The following EMILIN1 variants were observed in gnomAD, a reference collection of about 807,000 sequenced individuals.
EMILIN1 encodes the protein elastin microfibril interfacer 1.
In EMILIN1, 49 loss-of-function variants were observed where a neutral mutation model predicts 82.4. The ratio of observed to expected loss-of-function variants is 0.59; its 90% confidence interval spans 0.47 to 0.75. EMILIN1 has a LOEUF of 0.75. Ranked by LOEUF, EMILIN1 falls within the 30% of genes least tolerant of loss-of-function variation. The pLI is 0.00. For missense variants in EMILIN1, 1,313 were observed against 1,366.4 expected (o/e 0.96, Z 0.62); for synonymous variants, 604 against 602.2 (o/e 1.00, Z -0.04).
chr2:27,084,521 C>G lies in EMILIN1; in HGVS notation c.2547C>G (p.Ile849Met). ...GCAAGGACGGGCAAGAGGGCCCCAT[C>G]GGGCCACCAGGTATGTGCACTGAGA... Reference protein sequence around the residue: ...SPGKDGQEGPIGPPGPQGEQG... With the variant: ...SPGKDGQEGPMGPPGPQGEQG... Residue 849 changes from isoleucine to methionine, a missense_variant, in exon 5 of 8, where the codon ATC becomes ATG. Physicochemically the swap from Ile to Met is conservative, Grantham distance 10 (BLOSUM62 1). Transcript: ENST00000380320. 2.5e-6 allele frequency: 4 copies of G among 1,608,692 alleles called. No homozygotes were observed. Among genetic ancestry groups the G allele is most frequent in the Non-Finnish European group, 3.4e-6 (4 of 1,175,696 alleles).
At chr2:27,079,749 TCTC>T (rs1376885735) in intron 1 of EMILIN1, among the ~76,000 whole-genome samples, 3 of 152,006 alleles carry the variant, frequency 2.0e-5, no homozygotes, top group African/African-American at 7.2e-5. Flanking sequence ...CTGCCCGTCT[TCTC>T]CTGGAGGGGT....
At chr2:27,081,468 C>T (rs1192251869) in intron 3 of EMILIN1, among the ~76,000 whole-genome samples, 1 of 152,120 alleles carries the variant, frequency 6.6e-6, no homozygotes, top group Non-Finnish European at 1.5e-5. Context: ...TGTGCTGTTT[C>T]CCTGCCCCGA....
chr2:27,082,132 C>G lies in EMILIN1; in HGVS notation c.561C>G (p.Ser187Arg), dbSNP rs754975493. ...AGCAGCTGGAGGAACAGGTGCAGAG[C>G]CTGACCAAGGAGCTGCAAGGCCTGC... Reference protein sequence around the residue: ...KVQQLEEQVQSLTKELQGLRG... With the variant: ...KVQQLEEQVQRLTKELQGLRG... The change falls in exon 4 of 8, where the codon AGC becomes AGG. Residue 187 changes from serine (S) to arginine (R), a missense_variant. Transcript: ENST00000380320. The G allele has an allele frequency of 6.2e-7, 1 of 1,613,686 alleles. No individual in the cohort carries two copies. Among genetic ancestry groups the G allele is most frequent in the Admixed American group, 1.7e-5 (1 of 60,022 alleles).
At position 27,082,861 on chromosome 2, in the gene EMILIN1, G is replaced by T; in HGVS notation, c.1290G>T (p.Gly430=). The T allele has an allele frequency of 6.3e-7, 1 of 1,587,150 alleles. No homozygotes were observed. The change falls in exon 4 of 8, where the codon GGG becomes GGT. Residue 430 remains glycine, a synonymous_variant. Transcript: ENST00000380320. ...AGGAGCAGGAGGAGAGCTGGCCTGG[G>T]GCTCCTGGGGGGCTGAGCCACTGGC... ...PSEEQEESWP[G]APGGLSHWLP... is the part of the protein sequence containing the mutation.
rs1572847088 is a variant in EMILIN1, at chr2:27,083,396, C to T, written c.1825C>T (p.Pro609Ser). 6.2e-7 allele frequency: 1 copy of T among 1,612,092 alleles called. No homozygotes were observed. The highest frequency in any genetic ancestry group is 8.5e-7 in the Non-Finnish European group (1 of 1,179,952). ...GCGCTGCTCCTGCCCCCTGTTGCCTCCTCGGGGTCCTGGGGCTGGTCCAGG... is the reference window on the plus strand; with the variant it reads ...GCGCTGCTCCTGCCCCCTGTTGCCTTCTCGGGGTCCTGGGGCTGGTCCAGG... ...VERCSCPLLP[P>S]RGPGAGPGVG... Residue 609 changes from proline to serine, a missense_variant, in exon 4 of 8, where the codon CCT becomes TCT. Coordinates refer to ENST00000380320, the MANE Select transcript of EMILIN1 (RefSeq NM_007046.4).
intron 3 of EMILIN1, 127 bp downstream of exon 3, chr2:27,081,079 G>A (rs1003494024): frequency 1.5e-6 from 1 of 668,938 alleles, no homozygotes; most frequent in African/African-American, 1.8e-5. Context: ...GGGGCAGAAG[G>A]GTTAGTGAGA....
rs528867241 is a variant in EMILIN1, at chr2:27,083,898, T to G, written c.2327T>G (p.Leu776Arg). The G allele has an allele frequency of 3.1e-6, 5 of 1,608,758 alleles. No homozygotes were observed. In the African/African-American group the frequency reaches 6.7e-5, roughly 21 times the overall value. ...ACCAGCCAGATGCAGGCAGCCCTGC[T>G]GGAGAAGCTGGTCGGGGGACAGGCG... ...NTTSQMQAAL[L>R]EKLVGGQAGL... Residue 776 changes from leucine (L) to arginine (R), a missense_variant, in exon 4 of 8, where the codon CTG becomes CGG. By Grantham distance (102) the Leu-to-Arg change is moderately radical. Coordinates refer to ENST00000380320, the MANE Select transcript of EMILIN1 (RefSeq NM_007046.4).
Position 27,081,652 on chromosome 2 carries a change from A to G in EMILIN1, c.512-431A>G, listed in dbSNP as rs550040175. ...TTTCGCCCCTCTTGACAGCCCCATGACAGAAGAGTGTCATTATCCTTTCGC... is the reference window on the plus strand; with the variant it reads ...TTTCGCCCCTCTTGACAGCCCCATGGCAGAAGAGTGTCATTATCCTTTCGC... On this transcript the variant is annotated intron_variant, in intron 3 of 7. Coordinates refer to ENST00000380320, the MANE Select transcript of EMILIN1 (RefSeq NM_007046.4). Among the ~76,000 whole-genome samples, 5 of 152,262 alleles carry G rather than the reference A, an allele frequency of 3.3e-5. No homozygotes were observed. In the South Asian group the frequency reaches 1.0e-3, roughly 32 times the overall value.
At chr2:27,081,379 C>G (rs1403631063) in intron 3 of EMILIN1, among the ~76,000 whole-genome samples, 1 of 152,174 alleles carries the variant, frequency 6.6e-6, no homozygotes, top group East Asian at 1.9e-4. Flanking sequence ...CAGACCCCTC[C>G]GTGGCCTCTG....
In EMILIN1 at chr2:27,085,939, T is replaced by TAC. The variant is rs1231362689; in HGVS notation, c.2975_2976insAC (p.Ala993ArgfsTer153). ...TGCGTCGACCTGGTCATGGGGCAGC[T>TAC]GGCGCACTCGGAGGAGCCGCTCACC... On this transcript the variant is annotated frameshift_variant, in exon 8 of 8. Coordinates refer to ENST00000380320, the MANE Select transcript of EMILIN1 (RefSeq NM_007046.4). LOFTEE classifies it high-confidence loss of function. The TAC allele has an allele frequency of 3.5e-5, 54 of 1,528,562 alleles. No individual in the cohort carries two copies. Among genetic ancestry groups the TAC allele is most frequent in the South Asian group, 1.6e-4 (13 of 83,286 alleles). 94.7% of individuals were successfully genotyped at this position (1,528,562 alleles called of 1,614,324 possible).
chr2:27,085,109 G>A, intron 6 of EMILIN1, 51 bp from the exon 7 acceptor site: 1 of 1,613,516 alleles, frequency 6.2e-7, no homozygotes, highest in Non-Finnish European at 8.5e-7. Flanking sequence ...GGGGAAGGGG[G>A]CTGGCACTCT....
At chr2:27,084,927 T>A (rs1172834179) in intron 5 of EMILIN1, 64 bp from the exon 6 acceptor site, 2 of 1,464,630 alleles carry the variant, frequency 1.4e-6, no homozygotes, top group Non-Finnish European at 1.9e-6. Context: ...CCTCAGCAGA[T>A]GTTTGCTGAG....
intron 1 of EMILIN1, among the ~76,000 whole-genome samples, chr2:27,079,597 A>G (rs1669440075): frequency 6.6e-6 from 1 of 152,150 alleles, no homozygotes; most frequent in Non-Finnish European, 1.5e-5. Context: ...TAATTCTGAC[A>G]CCACTCCAGC....
In EMILIN1 at chr2:27,082,537, G is replaced by T; in HGVS notation, c.966G>T (p.Arg322=). ...GGCAGCAGCAGGAGGACAGGGAGCG[G>T]CTGCGAGCGATGGAGAAGCTGCTGG... ...FRRQQQEDRE[R]LRAMEKLLAS... is the part of the protein sequence containing the mutation. Residue 322 remains arginine, a synonymous_variant, in exon 4 of 8, where the codon CGG becomes CGT. Coordinates refer to ENST00000380320, the MANE Select transcript of EMILIN1 (RefSeq NM_007046.4). 1 of 1,543,236 alleles carries T rather than the reference G, an allele frequency of 6.5e-7. No homozygotes were observed.
intron 6 of EMILIN1, 40 bp from the exon 7 acceptor site, chr2:27,085,120 G>A: frequency 6.2e-7 from 1 of 1,613,760 alleles, no homozygotes; most frequent in Non-Finnish European, 8.5e-7. Flanking sequence ...CTGGCACTCT[G>A]CCCTGAGCAT....
At position 27,082,462 on chromosome 2, in the gene EMILIN1, G is replaced by A. The variant is rs756096279; in HGVS notation, c.891G>A (p.Arg297=). 24 of 1,567,424 alleles carry A rather than the reference G, an allele frequency of 1.5e-5. No individual in the cohort carries two copies. In the South Asian group the frequency reaches 2.5e-4, roughly 17 times the overall value. ...SEELLRQLEQ[R]LQESCSVCLA... ...AGCTGCTGCGGCAGCTGGAGCAGCG[G>A]TTGCAGGAGTCCTGCTCCGTGTGCC... Residue 297 remains arginine (R), a synonymous_variant, in exon 4 of 8, where the codon CGG becomes CGA. Transcript: ENST00000380320.
Position 27,083,534 on chromosome 2 carries a change from A to G in EMILIN1, c.1963A>G (p.Ser655Gly), listed in dbSNP as rs201549569. ...GELSEVILSF[S>G]SLNDSLNELQ... is the part of the protein sequence containing the mutation. ...GCTCTCTGAGGTTATTCTCAGCTTCAGCTCCCTCAATGACTCACTGAATGA... is the reference window on the plus strand; with the variant it reads ...GCTCTCTGAGGTTATTCTCAGCTTCGGCTCCCTCAATGACTCACTGAATGA... The change falls in exon 4 of 8, where the codon AGC becomes GGC. Residue 655 changes from serine to glycine, a missense_variant. By Grantham distance (56) the Ser-to-Gly change is moderately conservative (BLOSUM62 0). Transcript: ENST00000380320. The G allele has an allele frequency of 2.7e-4, 431 of 1,613,946 alleles. No homozygotes were observed. The highest frequency in any genetic ancestry group is 7.3e-4 in the Admixed American group (44 of 60,002).
At chr2:27,085,070 T>A in intron 6 of EMILIN1, 62 bp downstream of exon 6, 8 of 1,613,106 alleles carry the variant, frequency 5.0e-6, no homozygotes, top group Non-Finnish European at 6.8e-6. Flanking sequence ...ATAGAGGTCC[T>A]CGGGCAGCCC....
In EMILIN1 at chr2:27,083,308, T is replaced by A. The variant is rs1360385604; in HGVS notation, c.1737T>A (p.Asp579Glu). Residue 579 changes from aspartate (D) to glutamate (E), a missense_variant, in exon 4 of 8, where the codon GAT becomes GAA. By Grantham distance (45) the Asp-to-Glu change is conservative. Transcript: ENST00000380320. ...AGGGGCTGCTGCAGGCCCATGGGGA[T>A]GAGGGCTGTGGGGCCTGTGGCGGAG... ...QLEGLLQAHG[D>E]EGCGACGGVQ... 1 of 1,613,250 alleles carries A rather than the reference T, an allele frequency of 6.2e-7. No homozygotes were observed. The highest frequency in any genetic ancestry group is 1.1e-5 in the South Asian group (1 of 91,082).
Sources: allele counts gnomAD v4.1 joint callset (sites outside exome capture counted in the v4.1 genomes callset), GRCh38; gene constraint gnomAD v4.1.1; transcripts MANE v1.5; gene names NCBI Gene and HGNC (gene_info 2026-07-23, HGNC 2026-07-21).